Variants in ROBO1 observed in about 807,000 individuals in gnomAD.
The protein encoded by ROBO1 is roundabout homolog 1.
A neutral mutation model predicts 195.9 loss-of-function variants in ROBO1; 149 were observed. That is an observed-to-expected ratio of 0.76 (90% CI 0.67 to 0.87). ROBO1 has a LOEUF of 0.87. ROBO1 is among the 40% of genes least tolerant of loss of function. The pLI is 0.00. For synonymous variants in ROBO1, 816 were observed against 733.2 expected, an observed-to-expected ratio of 1.11 and a Z score of -1.82; for missense variants, 1,933 against 2,068.3, an observed-to-expected ratio of 0.93 and a Z score of 1.27.
Position 78,917,112 on chromosome 3 carries a change from T to C in ROBO1, c.499+21489A>G, listed in dbSNP as rs181882060. Among the ~76,000 whole-genome samples, 356 of 150,324 alleles carry C rather than the reference T, an allele frequency of 2.4e-3. 3 individuals are homozygous for C. Among genetic ancestry groups the C allele is most frequent in the African/African-American group, 5.7e-3 (233 of 41,022 alleles). On this transcript the variant is annotated intron_variant, in intron 4 of 30. Transcript: ENST00000464233. ...TTTTTGTTTTTCGTTTTTTTTTTTT[T>C]TTTGAGATGGAGTCTTGTTCTGTCA...
intron 14 of ROBO1, among the ~76,000 whole-genome samples, chr3:78,665,640 T>C (rs1453728779): frequency 1.3e-5 from 2 of 152,160 alleles, no homozygotes; most frequent in Non-Finnish European, 2.9e-5. Context: ...ATAACAGATT[T>C]TATGGGATAA....
chr3:78,830,471 C>A (rs1428506493), intron 4 of ROBO1, among the ~76,000 whole-genome samples: 1 of 152,168 alleles, frequency 6.6e-6, no homozygotes, highest in Non-Finnish European at 1.5e-5. Context: ...CAGAGTTCAG[C>A]ATGGCTGGGG....
At chr3:78,629,471 C>T (rs1413919257) in intron 25 of ROBO1, among the ~76,000 whole-genome samples, 1 of 151,968 alleles carries the variant, frequency 6.6e-6, no homozygotes, top group South Asian at 2.1e-4. Flanking sequence ...GCGGGACGAT[C>T]GCTTGAGATC....
At chr3:78,706,516 A>ATT (rs112792646) in intron 8 of ROBO1, among the ~76,000 whole-genome samples, 1 of 151,400 alleles carries the variant, frequency 6.6e-6, no homozygotes, top group African/African-American at 2.4e-5. Context: ...ATTTAAAACA[A>ATT]TTTTTTTTTA....
At chr3:79,511,538 C>T (rs182151376) in intron 2 of ROBO1, among the ~76,000 whole-genome samples, 2 of 152,220 alleles carry the variant, frequency 1.3e-5, no homozygotes, top group East Asian at 1.9e-4. Context: ...GGACACCTAG[C>T]TCAACAGGTT....
At chr3:78,746,071 T>A (rs998136024) in intron 5 of ROBO1, among the ~76,000 whole-genome samples, 3 of 152,166 alleles carry the variant, frequency 2.0e-5, no homozygotes, top group African/African-American at 4.8e-5. Flanking sequence ...GCTTGGTGAC[T>A]GAGGTGCTTT....
chr3:78,605,966 CTT>C (rs1319462004), intron 29 of ROBO1, among the ~76,000 whole-genome samples: 11 of 152,118 alleles, frequency 7.2e-5, no homozygotes, highest in Admixed American at 5.9e-4. Context: ...TAATTCAGTG[CTT>C]TCATATTTTA....
chr3:79,234,569 C>A (rs1048581428), intron 2 of ROBO1, among the ~76,000 whole-genome samples: 11 of 151,978 alleles, frequency 7.2e-5, no homozygotes, highest in Admixed American at 2.6e-4. Flanking sequence ...ATGGAGTCAA[C>A]CTAGGTGCCC....
chr3:79,376,085 A>T (rs1401856612), intron 2 of ROBO1, among the ~76,000 whole-genome samples: 1 of 152,242 alleles, frequency 6.6e-6, no homozygotes, highest in Non-Finnish European at 1.5e-5. Flanking sequence ...AAAGTGTGCT[A>T]TGTGAATATA....
intron 13 of ROBO1, 38 bp downstream of exon 13, chr3:78,668,096 C>A (rs780103185): frequency 7.5e-6 from 12 of 1,608,410 alleles, no homozygotes; most frequent in Non-Finnish European, 8.5e-6. Context: ...AATGGAGAAT[C>A]AAAAAAGAAC....
chr3:79,739,667 G>A (rs988719654), intron 1 of ROBO1, among the ~76,000 whole-genome samples: 8 of 152,120 alleles, frequency 5.3e-5, no homozygotes, highest in African/African-American at 1.9e-4. Flanking sequence ...AGAGAAAGAA[G>A]CTAGGGAAAA....
At chr3:79,389,086 G>C (rs2036856009) in intron 2 of ROBO1, among the ~76,000 whole-genome samples, 1 of 151,880 alleles carries the variant, frequency 6.6e-6, no homozygotes, top group African/African-American at 2.4e-5. Context: ...TCTAAAATTT[G>C]GATGGGAGCA....
chr3:79,377,310 T>C lies in ROBO1; in HGVS notation c.88+212514A>G, dbSNP rs535352839. On this transcript the variant is annotated intron_variant, in intron 2 of 30. Transcript: ENST00000464233. The stretch of plus-strand genomic sequence containing the variant: ...ACACCTAAAGTGTTCTGGCATAAAT[T>C]AAAAATTTAACAGCTTTTCTCCAAT... 4.8e-4 allele frequency among the ~76,000 whole-genome samples: 73 copies of C among 152,334 alleles called. No individual in the cohort carries two copies. In the South Asian group the frequency reaches 0.014, roughly 30 times the overall value.
At chr3:78,609,381 G>A (rs1030881121) in intron 28 of ROBO1, among the ~76,000 whole-genome samples, 10 of 152,074 alleles carry the variant, frequency 6.6e-5, no homozygotes, top group Non-Finnish European at 1.0e-4. Flanking sequence ...TCTCATAACT[G>A]CAGGGAGCAC....
In ROBO1 at chr3:78,810,035, A is replaced by AGT. The variant is rs531158630; in HGVS notation, c.500-63137_500-63136dup. On this transcript the variant is annotated intron_variant, in intron 4 of 30. Transcript: ENST00000464233. ...ATTTTTAAAATGGGTTTCATAATTC[A>AGT]GTGTTCATGTTACAAGCAACTGTCC... Among the ~76,000 whole-genome samples the AGT allele has an allele frequency of 3.3e-3, 503 of 152,176 alleles. 5 individuals are homozygous for AGT. The highest frequency in any genetic ancestry group is 4.1e-3 in the Non-Finnish European group (276 of 67,988).
intron 3 of ROBO1, among the ~76,000 whole-genome samples, chr3:78,952,974 A>G (rs2040864179): frequency 6.6e-6 from 1 of 152,130 alleles, no homozygotes; most frequent in African/African-American, 2.4e-5. Flanking sequence ...CCAAAAGGAA[A>G]TTCCAGGAGT....
In ROBO1 at chr3:78,746,929, C is replaced by T. The variant is rs150181891; in HGVS notation, c.500-29G>A. 5.9e-4 allele frequency: 847 copies of T among 1,445,912 alleles called. 9 individuals are homozygous for T. In the African/African-American group the frequency reaches 0.01, roughly 17 times the overall value. The allele number at this position is 1,445,912 out of a possible 1,614,324, so 89.6% of individuals were successfully genotyped here. On this transcript the variant is annotated intron_variant, in intron 4 of 30. Transcript: ENST00000464233. ...TAGGAACAAGATTAAATCATTATACCCAAAAGTGATAGATACAGTCCTAAT... is the reference window on the plus strand; with the variant it reads ...TAGGAACAAGATTAAATCATTATACTCAAAAGTGATAGATACAGTCCTAAT...
intron 3 of ROBO1, among the ~76,000 whole-genome samples, chr3:78,981,848 C>G (rs1387365958): frequency 1.3e-5 from 2 of 151,550 alleles, no homozygotes; most frequent in African/African-American, 4.9e-5. Context: ...CAGTGAGGGA[C>G]TTTCCCTAGA....
intron 1 of ROBO1, among the ~76,000 whole-genome samples, chr3:79,678,582 T>C (rs1435476115): frequency 1.3e-5 from 2 of 152,210 alleles, no homozygotes; most frequent in East Asian, 3.9e-4. Flanking sequence ...CTCTTTTAGA[T>C]AGAAATTCCT....
Sources: allele counts gnomAD v4.1 joint callset (sites outside exome capture counted in the v4.1 genomes callset), GRCh38; gene constraint gnomAD v4.1.1; transcripts MANE v1.5; gene names NCBI Gene and HGNC (gene_info 2026-07-23, HGNC 2026-07-21).